PAX7: variants seen among roughly 807,000 people sequenced by gnomAD.
PAX7 encodes paired box 7, also known as paired box protein Pax-7.
A neutral mutation model predicts 50.7 loss-of-function variants in PAX7; 18 were observed. The observed-to-expected ratio is 0.36, with a 90% CI of 0.25 to 0.53. The LOEUF is 0.53. PAX7 is among the 20% of genes least tolerant of loss of function. PAX7 has a pLI of 0.93. For synonymous variants in PAX7, 310 were observed against 290.4 expected (o/e 1.07, Z -0.69); for missense variants, 644 against 702.9 (o/e 0.92, Z 0.95).
intron 4 of PAX7, among the ~76,000 whole-genome samples, chr1:18,643,248 G>A (rs1286391276): frequency 6.6e-6 from 1 of 152,170 alleles, no homozygotes; most frequent in African/African-American, 2.4e-5. Flanking sequence ...CGTGTCGGCT[G>A]CCAGTGAATT....
intron 5 of PAX7, among the ~76,000 whole-genome samples, chr1:18,694,471 AATAAATAAATAAAT>A (rs1217408163): frequency 1.3e-5 from 1 of 74,878 alleles, no homozygotes; most frequent in Non-Finnish European, 2.9e-5. Flanking sequence ...AAAATAAATA[AATAAATAAATAAAT>A]AAATAAATAA....
chr1:18,720,583 G>A (rs565794969), intron 7 of PAX7, among the ~76,000 whole-genome samples: 8 of 152,136 alleles, frequency 5.3e-5, no homozygotes, highest in African/African-American at 1.9e-4. Flanking sequence ...AGAGAAGGGA[G>A]GTGTGTGTGG....
chr1:18,721,861 GA>G (rs200691410), intron 7 of PAX7, among the ~76,000 whole-genome samples: 6,279 of 152,306 alleles, frequency 0.041, 154 homozygotes, highest in South Asian at 0.062. Flanking sequence ...CATAACTAGG[GA>G]CATTGCATGG....
chr1:18,673,958 G>A (rs1389446622), intron 4 of PAX7, among the ~76,000 whole-genome samples: 2 of 152,250 alleles, frequency 1.3e-5, no homozygotes, highest in East Asian at 1.9e-4. Context: ...GGGGCTTCCA[G>A]CGTGGGGCCA....
At chr1:18,709,976 A>G (rs2089330382) in intron 7 of PAX7, among the ~76,000 whole-genome samples, 1 of 152,140 alleles carries the variant, frequency 6.6e-6, no homozygotes, top group African/African-American at 2.4e-5. Context: ...ACCTTTATTT[A>G]TTTGTGAATG....
rs943791331 is a variant in PAX7 at position 18,694,190 on chromosome 1, G to A, written c.786+2237G>A. 4.6e-5 allele frequency among the ~76,000 whole-genome samples: 7 copies of A among 152,246 alleles called. No homozygotes were observed. The East Asian group carries it at 7.7e-4, about 17-fold the overall frequency. Reference sequence around the variant, plus strand: ...TTTTAAAGAATAAACGGACTGGTGCGGTGGTTCACTCCTGTAATCCCAGCC... The same window carrying A: ...TTTTAAAGAATAAACGGACTGGTGCAGTGGTTCACTCCTGTAATCCCAGCC... On this transcript the variant is annotated intron_variant, in intron 5 of 8. Coordinates refer to ENST00000420770, the MANE Select transcript of PAX7 (RefSeq NM_001135254.2).
At chr1:18,661,929 C>T (rs954403370) in intron 4 of PAX7, among the ~76,000 whole-genome samples, 8 of 152,250 alleles carry the variant, frequency 5.3e-5, no homozygotes, top group African/African-American at 1.7e-4. Flanking sequence ...ATTGGTTTTA[C>T]ACTCCAGCCT....
rs1332248305 is a variant in PAX7 at position 18,658,239 on chromosome 1, G to T, written c.586+21868G>T. The stretch of plus-strand genomic sequence containing the variant: ...TCCCTGCCCCCACCTGCCCCTCCTC[G>T]CTCCTGCCCTCCCCCTCCCCCCACA... On this transcript the variant is annotated intron_variant, in intron 4 of 8. Transcript: ENST00000420770. Among the ~76,000 whole-genome samples, 21 of 104,306 alleles carry T rather than the reference G, an allele frequency of 2.0e-4. No individual in the cohort carries two copies. In the Admixed American group the frequency reaches 2.3e-3, roughly 12 times the overall value. The allele number at this position is 104,306 out of a possible 152,430, so 68.4% of individuals were successfully genotyped here.
In PAX7 at chr1:18,717,291, C is replaced by T. The variant is rs532781167; in HGVS notation, c.1155+13995C>T. Among the ~76,000 whole-genome samples, 35 of 152,324 alleles carry T rather than the reference C, an allele frequency of 2.3e-4. No individual in the cohort carries two copies. In the South Asian group the frequency reaches 7.0e-3, roughly 31 times the overall value. ...TCGTCCAGTCTTGGTCGCGGGGCCT[C>T]GGCCGTCTCGGGACGGGGCAGGCGG... On this transcript the variant is annotated intron_variant, in intron 7 of 8. Coordinates refer to ENST00000420770, the MANE Select transcript of PAX7 (RefSeq NM_001135254.2).
intron 7 of PAX7, among the ~76,000 whole-genome samples, chr1:18,730,754 G>A (rs990479149): frequency 1.3e-5 from 2 of 152,126 alleles, no homozygotes; most frequent in Non-Finnish European, 2.9e-5. Context: ...CCAGGGGAGG[G>A]GGCGGTGAGC....
At chr1:18,737,663 T>C (rs1930857005) in intron 8 of PAX7, among the ~76,000 whole-genome samples, 1 of 152,276 alleles carries the variant, frequency 6.6e-6, no homozygotes, top group South Asian at 2.1e-4. Context: ...TTCACATGCG[T>C]GCACATAAAT....
At chr1:18,688,919 T>C (rs1018895548) in intron 4 of PAX7, among the ~76,000 whole-genome samples, 1 of 151,978 alleles carries the variant, frequency 6.6e-6, no homozygotes, top group African/African-American at 2.4e-5. Context: ...ATCTCAAAAA[T>C]ATAAAAATAA....
rs373444683 is a variant in PAX7 at position 18,642,373 on chromosome 1, C to T, written c.586+6002C>T. ...ATAGTCTAAGACTAGACAGAACTCA[C>T]ACCCCTGAAAAGACAATGCCTGGTT... On this transcript the variant is annotated intron_variant, in intron 4 of 8. Coordinates refer to ENST00000420770, the MANE Select transcript of PAX7 (RefSeq NM_001135254.2). Among the ~76,000 whole-genome samples, 7 of 152,262 alleles carry T rather than the reference C, an allele frequency of 4.6e-5. No homozygotes were observed. The East Asian group carries it at 1.2e-3, about 25-fold the overall frequency.
chr1:18,633,024 C>T (rs556110620), intron 1 of PAX7, among the ~76,000 whole-genome samples: 1 of 152,182 alleles, frequency 6.6e-6, no homozygotes, highest in Non-Finnish European at 1.5e-5. Context: ...TAAAGTTGGG[C>T]GCTCGAGAGC....
chr1:18,643,497 G>A (rs1004951850), intron 4 of PAX7, among the ~76,000 whole-genome samples: 2 of 152,148 alleles, frequency 1.3e-5, no homozygotes, highest in Non-Finnish European at 2.9e-5. Context: ...CGGAGGCGCC[G>A]AGGGAGGCGC....
At chr1:18,675,057 T>G (rs903447900) in intron 4 of PAX7, among the ~76,000 whole-genome samples, 3 of 152,106 alleles carry the variant, frequency 2.0e-5, no homozygotes, top group Non-Finnish European at 4.4e-5. Flanking sequence ...CCCACCTGGG[T>G]TTGGATGGAG....
intron 7 of PAX7, among the ~76,000 whole-genome samples, chr1:18,717,243 C>T (rs1273734113): frequency 2.6e-5 from 4 of 152,210 alleles, no homozygotes; most frequent in African/African-American, 9.6e-5. Context: ...GGCCGCCCCC[C>T]GGACTGCGGA....
intron 4 of PAX7, among the ~76,000 whole-genome samples, chr1:18,653,204 CT>C (rs915535001): frequency 1.1e-3 from 165 of 144,380 alleles, no homozygotes; most frequent in African/African-American, 3.1e-3. Context: ...TTTTTCATTT[CT>C]TTTTTTTTTA....
chr1:18,746,467 C>T lies in PAX7; in HGVS notation c.*1538C>T, dbSNP rs1557565716. On this transcript the variant is annotated 3_prime_UTR_variant, in exon 9 of 9. Transcript: ENST00000420770. Reference sequence around the variant, plus strand: ...CCCTGGGAACTTTTTACCACCTTTACCTATTTATCAAAATCATATTCATCT... The same window carrying T: ...CCCTGGGAACTTTTTACCACCTTTATCTATTTATCAAAATCATATTCATCT... The T allele has an allele frequency of 4.3e-6, 1 of 230,822 alleles. No individual in the cohort carries two copies. Among genetic ancestry groups the T allele is most frequent in the Non-Finnish European group, 8.6e-6 (1 of 116,546 alleles). The allele number at this position is 230,822 out of a possible 1,614,324, so 14.3% of individuals were successfully genotyped here.
Sources: allele counts gnomAD v4.1 joint callset (sites outside exome capture counted in the v4.1 genomes callset), GRCh38; gene constraint gnomAD v4.1.1; transcripts MANE v1.5; gene names NCBI Gene and HGNC (gene_info 2026-07-23, HGNC 2026-07-21).